Variants in KCNK2 observed in about 807,000 individuals in gnomAD.
KCNK2 encodes potassium channel subfamily K member 2.
A neutral mutation model predicts 40.5 loss-of-function variants in KCNK2; 21 were observed. The ratio of observed to expected loss-of-function variants is 0.52; its 90% CI spans 0.37 to 0.75. The LOEUF is 0.75. Among genes scored for constraint, KCNK2 ranks in the 30% least tolerant of loss-of-function variants. The pLI, the probability that KCNK2 is intolerant of heterozygous loss-of-function variation, is 0.00. For missense variants in KCNK2, 399 were observed against 531.6 expected, an observed-to-expected ratio of 0.75 and a Z score of 2.45; for synonymous variants, 191 against 202.2, an observed-to-expected ratio of 0.94 and a Z score of 0.47.
intron 3 of KCNK2, among the ~76,000 whole-genome samples, chr1:215,167,924 G>A (rs539717322): frequency 1.3e-5 from 2 of 152,196 alleles, no homozygotes; most frequent in Non-Finnish European, 2.9e-5. Flanking sequence ...TGTCATCAGA[G>A]CAAACAGGCA....
At chr1:215,142,229 G>A (rs1332850702) in intron 3 of KCNK2, among the ~76,000 whole-genome samples, 5 of 151,404 alleles carry the variant, frequency 3.3e-5, no homozygotes, top group Admixed American at 6.6e-5. Context: ...TTGGCTTTAC[G>A]TTTTATTCTC....
chr1:215,016,141 A>T (rs1302879567), intron 1 of KCNK2, among the ~76,000 whole-genome samples: 1 of 152,226 alleles, frequency 6.6e-6, no homozygotes, highest in South Asian at 2.1e-4. Flanking sequence ...GCAACTAAAA[A>T]TATAATAGTT....
At chr1:215,154,928 A>G (rs1018709438) in intron 3 of KCNK2, among the ~76,000 whole-genome samples, 3 of 152,030 alleles carry the variant, frequency 2.0e-5, no homozygotes, top group African/African-American at 7.2e-5. Flanking sequence ...ATTCTGTTCC[A>G]TTGGCCTGTA....
At chr1:215,193,980 C>T (rs1664766597) in intron 5 of KCNK2, among the ~76,000 whole-genome samples, 1 of 152,118 alleles carries the variant, frequency 6.6e-6, no homozygotes, top group Non-Finnish European at 1.5e-5. Flanking sequence ...GTAAAAATCA[C>T]TTCTTCTATG....
In KCNK2 at chr1:215,235,193, T is replaced by A; in HGVS notation, c.*48T>A. The A allele has an allele frequency of 6.8e-7, 1 of 1,469,540 alleles. No individual in the cohort carries two copies. Among genetic ancestry groups the A allele is most frequent in the African/African-American group, 1.4e-5 (1 of 71,988 alleles). The allele number at this position is 1,469,540 out of a possible 1,614,324, so 91.0% of individuals were successfully genotyped here. On this transcript the variant is annotated 3_prime_UTR_variant, in exon 7 of 7. Coordinates refer to ENST00000444842, the MANE Select transcript of KCNK2 (RefSeq NM_001017425.3). Reference sequence around the variant, plus strand: ...GCATAGCCATAGGTGAGGACTTCTCTATGCTCTTTATGACTGTTGCTGGTA... The same window carrying A: ...GCATAGCCATAGGTGAGGACTTCTCAATGCTCTTTATGACTGTTGCTGGTA...
intron 3 of KCNK2, among the ~76,000 whole-genome samples, chr1:215,133,328 T>C (rs1441356633): frequency 6.6e-6 from 1 of 152,234 alleles, no homozygotes; most frequent in Non-Finnish European, 1.5e-5. Flanking sequence ...GGAATAGTCA[T>C]GAAGTTCATG....
intron 2 of KCNK2, among the ~76,000 whole-genome samples, chr1:215,113,404 T>C (rs987120922): frequency 2.0e-5 from 3 of 152,132 alleles, no homozygotes; most frequent in Non-Finnish European, 4.4e-5. Context: ...ATTTTACTTA[T>C]TTTGACCAAG....
intron 3 of KCNK2, among the ~76,000 whole-genome samples, chr1:215,161,078 T>TA (rs1663172703): frequency 6.6e-6 from 1 of 152,212 alleles, no homozygotes; most frequent in Non-Finnish European, 1.5e-5. Flanking sequence ...TGCCTCTCTA[T>TA]AAACATCTTC....
chr1:215,160,387 G>T (rs924656345), intron 3 of KCNK2, among the ~76,000 whole-genome samples: 1 of 152,238 alleles, frequency 6.6e-6, no homozygotes. Flanking sequence ...GGAGTTCTGT[G>T]TACAATTATA....
At chr1:215,011,608 T>TCACTTAGAGGAATGCAC (rs1444000191) in intron 1 of KCNK2, among the ~76,000 whole-genome samples, 5 of 148,944 alleles carry the variant, frequency 3.4e-5, no homozygotes, top group Admixed American at 1.3e-4. Context: ...CTGATTTTTT[T>TCACTTAGAGGAATGCAC]TTATTTTTAT....
chr1:215,094,249 A>G (rs1269468917), intron 2 of KCNK2, among the ~76,000 whole-genome samples: 9 of 152,020 alleles, frequency 5.9e-5, no homozygotes, highest in African/African-American at 1.9e-4. Context: ...GTACCTAATT[A>G]TAGATTTTAG....
intron 5 of KCNK2, among the ~76,000 whole-genome samples, chr1:215,187,644 G>C (rs1664500246): frequency 6.6e-6 from 1 of 152,028 alleles, no homozygotes; most frequent in African/African-American, 2.4e-5. Flanking sequence ...AAGGCTGGTA[G>C]CTCCTTTAAT....
At chr1:215,007,043 G>A (rs1466701006) in intron 1 of KCNK2, among the ~76,000 whole-genome samples, 28 of 116,946 alleles carry the variant, frequency 2.4e-4, no homozygotes, top group African/African-American at 1.0e-3. Flanking sequence ...ATATATGTGT[G>A]TGTGTGTATA....
chr1:215,212,523 G>C (rs898463068), intron 6 of KCNK2, among the ~76,000 whole-genome samples: 1 of 152,148 alleles, frequency 6.6e-6, no homozygotes, highest in Non-Finnish European at 1.5e-5. Context: ...AATAAGCATA[G>C]TAATAGTATT....
At chr1:215,181,335 A>G (rs1664207754) in intron 5 of KCNK2, among the ~76,000 whole-genome samples, 1 of 151,842 alleles carries the variant, frequency 6.6e-6, no homozygotes, top group Non-Finnish European at 1.5e-5. Context: ...CCATGCTTTG[A>G]ATTCTTTATC....
At chr1:215,230,501 A>ACACACG (rs529812751) in intron 6 of KCNK2, among the ~76,000 whole-genome samples, 1,951 of 105,126 alleles carry the variant, frequency 0.019, 76 homozygotes, top group African/African-American at 0.076. Context: ...ACACACACAC[A>ACACACG]CGGCTGTATA....
intron 2 of KCNK2, among the ~76,000 whole-genome samples, chr1:215,089,050 T>C (rs1003542071): frequency 3.3e-5 from 5 of 152,228 alleles, no homozygotes; most frequent in African/African-American, 9.6e-5. Flanking sequence ...TCAAGATTAG[T>C]GTGTAAACAG....
chr1:215,188,761 T>C (rs1256284477), intron 5 of KCNK2, among the ~76,000 whole-genome samples: 1 of 152,162 alleles, frequency 6.6e-6, no homozygotes, highest in Non-Finnish European at 1.5e-5. Flanking sequence ...ACAAGGAAAG[T>C]ACCTGATAAA....
rs528748643 is a variant in KCNK2 at position 215,170,094 on chromosome 1, T to C, written c.636+735T>C. ...GGGTAGGTGGCATTATAAATTTAACTTTAACATAAGTAGTAAATGACTGAC... is the reference window on the plus strand; with the variant it reads ...GGGTAGGTGGCATTATAAATTTAACCTTAACATAAGTAGTAAATGACTGAC... On this transcript the variant is annotated intron_variant, in intron 4 of 6. Transcript: ENST00000444842. Among the ~76,000 whole-genome samples the C allele has an allele frequency of 1.3e-5, 2 of 152,306 alleles. 1 individual carries two copies. Among genetic ancestry groups the C allele is most frequent in the African/African-American group, 4.8e-5 (2 of 41,590 alleles).
Sources: allele counts gnomAD v4.1 joint callset (sites outside exome capture counted in the v4.1 genomes callset), GRCh38; gene constraint gnomAD v4.1.1; transcripts MANE v1.5; gene names NCBI Gene and HGNC (gene_info 2026-07-23, HGNC 2026-07-21).